Variants in C8orf34 observed in about 807,000 individuals in gnomAD.
The protein encoded by C8orf34 is uncharacterized protein C8orf34.
In C8orf34, 65 loss-of-function variants were observed where a neutral mutation model predicts 68.3. The ratio of observed to expected loss-of-function variants is 0.95; its 90% CI spans 0.78 to 1.17. C8orf34 has a LOEUF of 1.17. C8orf34 is among the 50% of genes most tolerant of loss of function. The pLI is 0.00. For synonymous variants in C8orf34, 244 were observed against 241.2 expected (o/e 1.01, Z -0.11); for missense variants, 664 against 655.4 (o/e 1.01, Z -0.14).
chr8:68,619,136 T>G (rs780689319), intron 7 of C8orf34, among the ~76,000 whole-genome samples: 5 of 152,160 alleles, frequency 3.3e-5, no homozygotes, highest in Middle Eastern at 6.8e-3. Flanking sequence ...GAGACCAGCC[T>G]GGGCAACATG....
intron 4 of C8orf34, among the ~76,000 whole-genome samples, chr8:68,476,760 G>A (rs1458524104): frequency 6.6e-6 from 1 of 152,158 alleles, no homozygotes; most frequent in Non-Finnish European, 1.5e-5. Context: ...TCACTTTGGG[G>A]TGTGGTTTTA....
intron 7 of C8orf34, among the ~76,000 whole-genome samples, chr8:68,622,757 A>C (rs1176672622): frequency 6.6e-6 from 1 of 152,212 alleles, no homozygotes; most frequent in East Asian, 1.9e-4. Context: ...ACAAAAAAAT[A>C]AAAAAGATGA....
intron 1 of C8orf34, among the ~76,000 whole-genome samples, chr8:68,340,099 C>G (rs1038368072): frequency 3.3e-5 from 5 of 151,972 alleles, no homozygotes; most frequent in Non-Finnish European, 7.4e-5. Flanking sequence ...GTTAAAAAGA[C>G]TGACTTTAAT....
chr8:68,574,102 A>T (rs115062847), intron 7 of C8orf34, among the ~76,000 whole-genome samples: 2,269 of 152,168 alleles, frequency 0.015, 35 homozygotes, highest in African/African-American at 0.027. Flanking sequence ...TAAAACTATC[A>T]TATGTTATGA....
At position 68,686,979 on chromosome 8, in the gene C8orf34, C is replaced by A. The variant is rs574909869; in HGVS notation, c.1242-22015C>A. The stretch of plus-strand genomic sequence containing the variant: ...TCAATAGCACTCGACAACAACCAAG[C>A]TAAGAATCAAATCGAGGACTCAACC... On this transcript the variant is annotated intron_variant, in intron 8 of 13. Coordinates refer to ENST00000518698, the MANE Select transcript of C8orf34 (RefSeq NM_052958.4). Among the ~76,000 whole-genome samples, 67 of 151,926 alleles carry A rather than the reference C, an allele frequency of 4.4e-4. No homozygotes were observed. In the Middle Eastern group the frequency reaches 0.01, roughly 23 times the overall value.
chr8:68,645,634 T>A (rs1819146159), intron 8 of C8orf34, among the ~76,000 whole-genome samples: 1 of 152,176 alleles, frequency 6.6e-6, no homozygotes, highest in Non-Finnish European at 1.5e-5. Flanking sequence ...ACTTAATAAG[T>A]GAGCTTAATG....
intron 7 of C8orf34, among the ~76,000 whole-genome samples, chr8:68,619,290 C>T (rs992533764): frequency 6.6e-6 from 1 of 152,116 alleles, no homozygotes; most frequent in African/African-American, 2.4e-5. Flanking sequence ...CACGCCACTG[C>T]ACTCCAGCCT....
chr8:68,410,016 G>A (rs561665215), intron 1 of C8orf34, among the ~76,000 whole-genome samples: 12 of 152,244 alleles, frequency 7.9e-5, no homozygotes, highest in South Asian at 2.1e-4. Context: ...GACCACGTAG[G>A]TTTGTGTAAG....
intron 9 of C8orf34, among the ~76,000 whole-genome samples, chr8:68,719,907 C>T (rs1821621024): frequency 6.6e-6 from 1 of 152,046 alleles, no homozygotes; most frequent in Non-Finnish European, 1.5e-5. Flanking sequence ...ATTATAGTAG[C>T]ATTTGCTCAC....
At chr8:68,513,408 T>A (rs1814364564) in intron 5 of C8orf34, among the ~76,000 whole-genome samples, 1 of 152,122 alleles carries the variant, frequency 6.6e-6, no homozygotes, top group Admixed American at 6.5e-5. Context: ...AGGAACTTAT[T>A]CTCTAAGGTA....
At chr8:68,333,353 A>G (rs1447843294) in intron 1 of C8orf34, among the ~76,000 whole-genome samples, 1 of 152,212 alleles carries the variant, frequency 6.6e-6, no homozygotes, top group East Asian at 1.9e-4. Context: ...TATGACATAC[A>G]CTGGCATTAG....
At position 68,445,287 on chromosome 8, in the gene C8orf34, G is replaced by T. The variant is rs140641977; in HGVS notation, c.476-1042G>T. ...AGTAGCCAGAGAAAAGACTTATGAG[G>T]CATCCATAAAGCTAGGGTGGTTTTT... On this transcript the variant is annotated intron_variant, in intron 2 of 13. Coordinates refer to ENST00000518698, the MANE Select transcript of C8orf34 (RefSeq NM_052958.4). 2.2e-3 allele frequency among the ~76,000 whole-genome samples: 329 copies of T among 152,228 alleles called. 1 individual carries two copies. The highest frequency in any genetic ancestry group is 7.1e-3 in the African/African-American group (295 of 41,530).
chr8:68,714,586 C>G (rs1821416373), intron 9 of C8orf34, among the ~76,000 whole-genome samples: 1 of 152,008 alleles, frequency 6.6e-6, no homozygotes, highest in East Asian at 1.9e-4. Flanking sequence ...AAGACCTCTA[C>G]AAGGAAAACC....
At chr8:68,346,437 C>T (rs1248492743) in intron 1 of C8orf34, among the ~76,000 whole-genome samples, 12 of 152,072 alleles carry the variant, frequency 7.9e-5, no homozygotes. Flanking sequence ...GATGAACCTA[C>T]ATTGACACAT....
At chr8:68,757,706 CA>C in intron 10 of C8orf34, among the ~76,000 whole-genome samples, 1 of 152,244 alleles carries the variant, frequency 6.6e-6, no homozygotes, top group East Asian at 1.9e-4. Context: ...AGAGTAGGTG[CA>C]AAATTTACAT....
chr8:68,776,764 G>A (rs1427048930), intron 11 of C8orf34, among the ~76,000 whole-genome samples: 1 of 152,026 alleles, frequency 6.6e-6, no homozygotes, highest in Non-Finnish European at 1.5e-5. Context: ...GGTTTACATT[G>A]GAGTGTGCAC....
chr8:68,738,983 A>G lies in C8orf34; in HGVS notation c.1404+17546A>G, dbSNP rs930361973. Among the ~76,000 whole-genome samples, 3 of 152,034 alleles carry G rather than the reference A, an allele frequency of 2.0e-5. No homozygotes were observed. In the South Asian group the frequency reaches 6.2e-4, roughly 31 times the overall value. On this transcript the variant is annotated intron_variant, in intron 10 of 13. Transcript: ENST00000518698. ...AAACCTTGCAGAGACACAACAAAAA[A>G]AGAAAGCAAAAAAAGAAAACATTAG...
intron 1 of C8orf34, among the ~76,000 whole-genome samples, chr8:68,409,729 C>T (rs529937647): frequency 6.6e-6 from 1 of 152,156 alleles, no homozygotes; most frequent in Admixed American, 6.5e-5. Context: ...TGTCCTAGGC[C>T]TTCACATTCA....
chr8:68,359,135 CAG>C (rs745857913), intron 1 of C8orf34, among the ~76,000 whole-genome samples: 4 of 151,828 alleles, frequency 2.6e-5, no homozygotes, highest in African/African-American at 9.7e-5. Context: ...TGTGGAAAGA[CAG>C]AGTGCAAAAT....
Sources: gnomAD v4.1 joint callset for allele counts (sites outside exome capture counted in the v4.1 genomes callset) on GRCh38, gnomAD v4.1.1 for gene constraint, MANE v1.5 for transcripts, NCBI Gene and HGNC (gene_info 2026-07-23, HGNC 2026-07-21) for gene names.